Variants in DIAPH2 observed in about 807,000 individuals in gnomAD.
DIAPH2 encodes the protein protein diaphanous homolog 2.
DIAPH2 carries 35 observed loss-of-function variants against 92.7 expected under a neutral mutation model. The observed-to-expected ratio is 0.38, with a 90% CI of 0.29 to 0.50. DIAPH2 has a LOEUF of 0.50. Ranked by LOEUF, DIAPH2 falls within the 20% of genes least tolerant of loss-of-function variation. The probability of loss-of-function intolerance (pLI) is 0.94; values close to 1 mark genes in which losing one functional copy is unlikely to be tolerated. For missense variants in DIAPH2, 701 were observed against 819.5 expected (o/e 0.86, Z 1.77); for synonymous variants, 301 against 280.4 (o/e 1.07, Z -0.73).
chrX:97,570,124 TAGAAG>T (rs1569426263), intron 26 of DIAPH2, among the ~76,000 whole-genome samples: 25 of 11,009 alleles, frequency 2.3e-3, no homozygotes, highest in Non-Finnish European at 3.8e-3. Context: ...ATATATATAT[TAGAAG>T]ATAGATAGAT....
At chrX:97,293,539 C>CTG (rs1223556554) in intron 23 of DIAPH2, among the ~76,000 whole-genome samples, 3 of 111,715 alleles carry the variant, frequency 2.7e-5, no homozygotes, top group Non-Finnish European at 5.6e-5. Flanking sequence ...GCGTGAGCCA[C>CTG]TGCCCCCGGT....
At chrX:96,894,641 A>G (rs1235374677) in intron 5 of DIAPH2, among the ~76,000 whole-genome samples, 1 of 111,647 alleles carries the variant, frequency 9.0e-6, no homozygotes, top group Admixed American at 9.5e-5. Context: ...ACCTTGTGAT[A>G]TGCTTTGGAT....
intron 4 of DIAPH2, among the ~76,000 whole-genome samples, chrX:96,832,882 A>T (rs1255429693): frequency 9.0e-6 from 1 of 111,724 alleles, no homozygotes; most frequent in Admixed American, 9.6e-5. Flanking sequence ...ATAATGTTTT[A>T]TCCAACTCTG....
At chrX:97,265,287 GGA>G (rs1219650646) in intron 23 of DIAPH2, among the ~76,000 whole-genome samples, 1 of 111,838 alleles carries the variant, frequency 8.9e-6, no homozygotes, top group African/African-American at 3.2e-5. Context: ...ATAAAAAAAG[GGA>G]GAGACTGAAA....
intron 21 of DIAPH2, among the ~76,000 whole-genome samples, chrX:97,115,994 T>A (rs2067013917): frequency 8.9e-6 from 1 of 111,901 alleles, no homozygotes; most frequent in Non-Finnish European, 1.9e-5. Context: ...AAACAAGCAA[T>A]CTGTCTTTGA....
chrX:97,436,261 G>A (rs1174452909), intron 26 of DIAPH2, among the ~76,000 whole-genome samples: 6 of 111,544 alleles, frequency 5.4e-5, no homozygotes, highest in African/African-American at 2.0e-4. Flanking sequence ...TCAGCAATAG[G>A]TGGATATCTA....
rs781465977 is a variant in DIAPH2 at position 96,985,982 on chromosome X, GT to G, written c.2050+20783del. On this transcript the variant is annotated intron_variant, in intron 17 of 26. Coordinates refer to ENST00000324765, the MANE Select transcript of DIAPH2 (RefSeq NM_006729.5). ...TCGATATGTCAACTTATCAAAATAT[GT>G]TTTTTTTAATGCTGTTTCAAACAGA... 2.9e-3 allele frequency among the ~76,000 whole-genome samples: 318 copies of G among 110,342 alleles called. 2 individuals carry two copies. Among genetic ancestry groups the G allele is most frequent in the Non-Finnish European group, 4.6e-3 (244 of 52,491 alleles).
intron 13 of DIAPH2, among the ~76,000 whole-genome samples, chrX:96,943,025 A>G (rs2065715063): frequency 1.8e-5 from 2 of 111,423 alleles, no homozygotes; most frequent in Non-Finnish European, 3.8e-5. Flanking sequence ...CAGGCAATCC[A>G]GAGACTTACA....
rs1255005089 is a variant in DIAPH2, at chrX:97,349,066, GTA to G, written c.3009+802_3009+803del. The stretch of plus-strand genomic sequence containing the variant: ...TATATGTGTATTTATATATGTGTGT[GTA>G]TATATATATATATATTTTTTTTTTT... On this transcript the variant is annotated intron_variant, in intron 24 of 26. Transcript: ENST00000324765. Among the ~76,000 whole-genome samples the G allele has an allele frequency of 7.1e-3, 682 of 96,195 alleles. 6 individuals carry two copies. The highest frequency in any genetic ancestry group is 0.024 in the African/African-American group (637 of 26,058). The allele number at this position is 96,195 out of a possible 115,157, so 83.5% of individuals were successfully genotyped here.
At chrX:96,699,323 T>C (rs1483270451) in intron 1 of DIAPH2, among the ~76,000 whole-genome samples, 1 of 112,109 alleles carries the variant, frequency 8.9e-6, no homozygotes, top group Non-Finnish European at 1.9e-5. Flanking sequence ...CGGATAAATA[T>C]GTAAGGAAGG....
At chrX:97,002,923 A>G (rs759248295) in intron 17 of DIAPH2, among the ~76,000 whole-genome samples, 124 of 111,723 alleles carry the variant, frequency 1.1e-3, no homozygotes, top group South Asian at 2.3e-3. Context: ...GTACCCATTA[A>G]CTATGCCTTC....
intron 15 of DIAPH2, among the ~76,000 whole-genome samples, chrX:96,954,378 G>C (rs2065796294): frequency 8.9e-6 from 1 of 112,257 alleles, no homozygotes; most frequent in Non-Finnish European, 1.9e-5. Flanking sequence ...TTAAGGAAAT[G>C]GATATAGATT....
chrX:97,283,633 T>A (rs141901285), intron 23 of DIAPH2, among the ~76,000 whole-genome samples: 2,006 of 112,730 alleles, frequency 0.018, 15 homozygotes, highest in Middle Eastern at 0.032. Flanking sequence ...TTTGTACTCG[T>A]GGGATGATAT....
At chrX:96,871,559 A>G (rs957026051) in intron 4 of DIAPH2, among the ~76,000 whole-genome samples, 2 of 109,532 alleles carry the variant, frequency 1.8e-5, no homozygotes, top group African/African-American at 6.7e-5. Context: ...ATTCCAAAAT[A>G]GAGGTAACAG....
chrX:96,869,531 C>G (rs767870766), intron 4 of DIAPH2, among the ~76,000 whole-genome samples: 7 of 101,598 alleles, frequency 6.9e-5, no homozygotes, highest in Non-Finnish European at 1.2e-4. Flanking sequence ...CACTGCACTC[C>G]ATCTCAAAAA....
At chrX:97,142,763 A>C (rs1248004486) in intron 22 of DIAPH2, among the ~76,000 whole-genome samples, 2 of 112,028 alleles carry the variant, frequency 1.8e-5, no homozygotes, top group Non-Finnish European at 3.8e-5. Context: ...AGAGAAGTAC[A>C]CCATAAATCT....
At chrX:96,876,012 C>T (rs911391874) in intron 4 of DIAPH2, among the ~76,000 whole-genome samples, 1 of 111,113 alleles carries the variant, frequency 9.0e-6, no homozygotes, top group African/African-American at 3.3e-5. Context: ...GCAATCTGCT[C>T]ATCTGACAAA....
At chrX:97,091,354 C>T (rs1431955218) in intron 19 of DIAPH2, among the ~76,000 whole-genome samples, 1 of 111,126 alleles carries the variant, frequency 9.0e-6, no homozygotes, top group East Asian at 2.8e-4. Context: ...TCCAATCCTA[C>T]GTCGCTGCAG....
intron 3 of DIAPH2, 58 bp downstream of exon 3, chrX:96,738,820 T>C: frequency 1.0e-6 from 1 of 1,004,244 alleles, no homozygotes; most frequent in East Asian, 3.1e-5. Flanking sequence ...AGAATAGCAC[T>C]GAGTTTTAAG....
Sources: gnomAD v4.1 joint callset for allele counts (sites outside exome capture counted in the v4.1 genomes callset) on GRCh38, gnomAD v4.1.1 for gene constraint, MANE v1.5 for transcripts, NCBI Gene and HGNC (gene_info 2026-07-23, HGNC 2026-07-21) for gene names.